Variants in SUSD4 observed in about 807,000 individuals in gnomAD.
SUSD4 encodes the protein sushi domain containing 4.
A neutral mutation model predicts 50.5 loss-of-function variants in SUSD4; 41 were observed. The ratio of observed to expected loss-of-function variants is 0.81; its 90% CI spans 0.63 to 1.05. The LOEUF (loss-of-function observed/expected upper bound fraction) is 1.05, where lower values mean the gene tolerates loss of function less well. Ranked by LOEUF, SUSD4 falls within the 50% of genes least tolerant of loss-of-function variation. SUSD4 has a pLI of 0.00. For missense variants in SUSD4, 580 were observed against 634.7 expected, an observed-to-expected ratio of 0.91 and a Z score of 0.93; for synonymous variants, 257 against 257.3, an observed-to-expected ratio of 1.00 and a Z score of 0.01.
chr1:223,252,858 T>G (rs955263282), intron 5 of SUSD4, among the ~76,000 whole-genome samples: 5 of 151,898 alleles, frequency 3.3e-5, no homozygotes, highest in African/African-American at 1.2e-4. Flanking sequence ...TTCCAGCACT[T>G]TGGGAGGCCA....
In SUSD4 at chr1:223,229,502, A is replaced by C; in HGVS notation, c.725-114T>G. 1 of 1,002,992 alleles carries C rather than the reference A, an allele frequency of 1.0e-6. No individual in the cohort carries two copies. The highest frequency in any genetic ancestry group is 1.4e-6 in the Non-Finnish European group (1 of 712,136). 62.1% of individuals were successfully genotyped at this position (1,002,992 alleles called of 1,614,324 possible). On this transcript the variant is annotated intron_variant, in intron 5 of 8. Coordinates refer to ENST00000366878, the MANE Select transcript of SUSD4 (RefSeq NM_017982.4). The surrounding 1 kb of genome is among the most constrained non-coding windows in gnomAD (Gnocchi z 4.7). ...CAGTTAAAAATGTGCTTATGGATTAATCACCAGGCTACTGAGTTGCATTAG... is the reference window on the plus strand; with the variant it reads ...CAGTTAAAAATGTGCTTATGGATTACTCACCAGGCTACTGAGTTGCATTAG...
chr1:223,260,459 C>T (rs1395141768), intron 5 of SUSD4, among the ~76,000 whole-genome samples: 2 of 152,104 alleles, frequency 1.3e-5, no homozygotes, highest in African/African-American at 2.4e-5. Context: ...CGTGTGTGTG[C>T]ACGCACATGA....
chr1:223,250,236 C>G (rs1254165135), intron 5 of SUSD4, among the ~76,000 whole-genome samples: 1 of 152,062 alleles, frequency 6.6e-6, no homozygotes, highest in African/African-American at 2.4e-5. Context: ...GAAATAATAT[C>G]CGTAAATCAC....
intron 2 of SUSD4, among the ~76,000 whole-genome samples, chr1:223,343,366 C>T (rs958864092): frequency 1.4e-4 from 22 of 152,124 alleles, no homozygotes; most frequent in African/African-American, 5.3e-4. Flanking sequence ...ACAGCTTGTA[C>T]TTATTTTTGT....
chr1:223,248,395 C>A (rs1428940659), intron 5 of SUSD4, among the ~76,000 whole-genome samples: 1 of 152,206 alleles, frequency 6.6e-6, no homozygotes, highest in Non-Finnish European at 1.5e-5. Flanking sequence ...CTGCTGAATT[C>A]TAATCATCAA....
intron 5 of SUSD4, among the ~76,000 whole-genome samples, chr1:223,251,146 A>G (rs1455740092): frequency 6.6e-6 from 1 of 152,156 alleles, no homozygotes; most frequent in Non-Finnish European, 1.5e-5. Context: ...TGTTCATTGT[A>G]TTGCTATAAT....
chr1:223,288,294 T>C (rs1008230222), intron 3 of SUSD4, among the ~76,000 whole-genome samples: 3 of 152,214 alleles, frequency 2.0e-5, no homozygotes, highest in Non-Finnish European at 4.4e-5. Context: ...CCACCATGTA[T>C]GCCGTACTTT....
Position 223,268,624 on chromosome 1 carries a change from CTA to C in SUSD4, c.411_412del (p.Tyr137Ter). ...AGTGATGATTAGCTTCTCTCCATGTCTATATGTCTTGTTATGAATCTCAGCAT... is the reference window on the plus strand; with the variant it reads ...AGTGATGATTAGCTTCTCTCCATGTCTATGTCTTGTTATGAATCTCAGCAT... On this transcript the variant is annotated stop_gained and frameshift_variant, in exon 4 of 9. Coordinates refer to ENST00000366878, the MANE Select transcript of SUSD4 (RefSeq NM_017982.4). LOFTEE classifies it high-confidence loss of function. 6.2e-7 allele frequency: 1 copy of C among 1,614,066 alleles called. No homozygotes were observed. Among genetic ancestry groups the C allele is most frequent in the Non-Finnish European group, 8.5e-7 (1 of 1,179,994 alleles).
intron 2 of SUSD4, among the ~76,000 whole-genome samples, chr1:223,324,966 G>C (rs1288616108): frequency 6.6e-6 from 1 of 152,072 alleles, no homozygotes; most frequent in African/African-American, 2.4e-5. Flanking sequence ...TACTTTACTT[G>C]TGTTTCTCTC....
At chr1:223,281,761 C>A (rs894116116) in intron 3 of SUSD4, among the ~76,000 whole-genome samples, 2 of 152,078 alleles carry the variant, frequency 1.3e-5, no homozygotes, top group African/African-American at 4.8e-5. Context: ...ATCCTGATAC[C>A]AAAGCCTGGC....
intron 3 of SUSD4, among the ~76,000 whole-genome samples, chr1:223,291,853 T>C (rs1664513403): frequency 1.3e-5 from 2 of 152,188 alleles, no homozygotes; most frequent in Non-Finnish European, 1.5e-5. Flanking sequence ...GTATATAAAG[T>C]TGTTTCAACC....
At chr1:223,250,250 G>A (rs1292888961) in intron 5 of SUSD4, among the ~76,000 whole-genome samples, 2 of 152,124 alleles carry the variant, frequency 1.3e-5, no homozygotes, top group African/African-American at 4.8e-5. Context: ...AAATCACCAA[G>A]CACAAAGTGC....
intron 5 of SUSD4, among the ~76,000 whole-genome samples, chr1:223,242,549 T>A (rs1490667899): frequency 6.6e-6 from 1 of 152,182 alleles, no homozygotes; most frequent in Non-Finnish European, 1.5e-5. Context: ...CTCACTTTCA[T>A]CCCTGGCCCA....
intron 2 of SUSD4, among the ~76,000 whole-genome samples, chr1:223,334,610 G>A (rs2103281040): frequency 6.6e-6 from 1 of 152,248 alleles, no homozygotes; most frequent in South Asian, 2.1e-4. Flanking sequence ...ACTAGAATCA[G>A]GGTGACATCA....
At position 223,282,624 on chromosome 1, in the gene SUSD4, T is replaced by A. The variant is rs543049128; in HGVS notation, c.361+9815A>T. ...CAAGTGGAAGAACATTCTATGCTCA[T>A]GGGTAGGAACAATCAATATTGTGAA... is the stretch of plus-strand genomic sequence containing the variant. On this transcript the variant is annotated intron_variant, in intron 3 of 8. Transcript: ENST00000366878. Among the ~76,000 whole-genome samples, 8 of 152,346 alleles carry A rather than the reference T, an allele frequency of 5.3e-5. No homozygotes were observed. In the East Asian group the frequency reaches 1.5e-3, roughly 29 times the overall value.
chr1:223,244,088 G>A (rs1210122736), intron 5 of SUSD4, among the ~76,000 whole-genome samples: 2 of 152,208 alleles, frequency 1.3e-5, no homozygotes, highest in Non-Finnish European at 2.9e-5. Context: ...TCTAGCTGCT[G>A]AGAAAAACAT....
At chr1:223,252,416 C>G (rs1661396304) in intron 5 of SUSD4, among the ~76,000 whole-genome samples, 1 of 151,504 alleles carries the variant, frequency 6.6e-6, no homozygotes, top group Admixed American at 6.6e-5. Context: ...GGTTGGGGAT[C>G]GTTATGCTCC....
chr1:223,347,969 C>A (rs1668134740), intron 2 of SUSD4, among the ~76,000 whole-genome samples: 1 of 152,084 alleles, frequency 6.6e-6, no homozygotes, highest in African/African-American at 2.4e-5. Context: ...ACTTTCTGGG[C>A]CTTCATTTCC....
At chr1:223,310,801 C>T (rs1665828352) in intron 2 of SUSD4, among the ~76,000 whole-genome samples, 1 of 152,190 alleles carries the variant, frequency 6.6e-6, no homozygotes, top group Admixed American at 6.5e-5. Context: ...AGAAATGGCC[C>T]ATGTGGCCCT....
Sources: allele counts gnomAD v4.1 joint callset (sites outside exome capture counted in the v4.1 genomes callset), GRCh38; gene constraint gnomAD v4.1.1; non-coding constraint Gnocchi (gnomAD v3.1); transcripts MANE v1.5; gene names NCBI Gene and HGNC (gene_info 2026-07-23, HGNC 2026-07-21).